OPCML: variants seen among roughly 807,000 people sequenced by gnomAD.
The protein encoded by OPCML is opioid binding protein/cell adhesion molecule like, also known as opioid-binding protein/cell adhesion molecule.
In OPCML, 13 loss-of-function variants were observed where a neutral mutation model predicts 37.8. The ratio of observed to expected loss-of-function variants is 0.34; its 90% CI spans 0.22 to 0.55. OPCML has a LOEUF of 0.55. Among genes scored for constraint, OPCML ranks in the 20% least tolerant of loss-of-function variants. The probability of loss-of-function intolerance (pLI) is 0.91; values close to 1 mark genes in which losing one functional copy is unlikely to be tolerated. For synonymous variants in OPCML, 176 were observed against 168.8 expected (o/e 1.04, Z -0.33); for missense variants, 341 against 435.6 (o/e 0.78, Z 1.93).
At chr11:133,098,501 C>T (rs1949037841) in intron 1 of OPCML, among the ~76,000 whole-genome samples, 1 of 152,098 alleles carries the variant, frequency 6.6e-6, no homozygotes, top group Admixed American at 6.5e-5. Flanking sequence ...AGGTGTGAGC[C>T]ACTGTGCCCA....
rs986910331 is a variant in OPCML at position 132,817,396 on chromosome 11, T to C, written c.146+125530A>G. ...TCCAAATAAATTTTCTTTGTATCTC[T>C]ATTGACCCTGTAGTCTTAGGTATGA... On this transcript the variant is annotated intron_variant, in intron 2 of 7. Coordinates refer to ENST00000524381, the MANE Select transcript of OPCML (RefSeq NM_001012393.5). Among the ~76,000 whole-genome samples the C allele has an allele frequency of 2.0e-5, 3 of 152,296 alleles. No individual in the cohort carries two copies. The East Asian group carries it at 5.8e-4, about 29-fold the overall frequency.
chr11:133,502,139 A>G (rs934473146), intron 1 of OPCML, among the ~76,000 whole-genome samples: 4 of 152,062 alleles, frequency 2.6e-5, no homozygotes, highest in Non-Finnish European at 5.9e-5. Flanking sequence ...AGCTGGCACA[A>G]CTTTGCCCCG....
At chr11:132,593,748 TG>T (rs1323018550) in intron 3 of OPCML, among the ~76,000 whole-genome samples, 3 of 152,114 alleles carry the variant, frequency 2.0e-5, no homozygotes, top group Admixed American at 2.0e-4. Context: ...TAGGATTAGT[TG>T]AACACAGAAT....
At chr11:132,842,172 G>A (rs904393970) in intron 2 of OPCML, among the ~76,000 whole-genome samples, 4 of 152,188 alleles carry the variant, frequency 2.6e-5, no homozygotes, top group East Asian at 1.9e-4. Flanking sequence ...CTGTAACCCC[G>A]TTTACTACTT....
chr11:132,912,397 C>T (rs1308351120), intron 2 of OPCML, among the ~76,000 whole-genome samples: 1 of 152,042 alleles, frequency 6.6e-6, no homozygotes. Context: ...TACAATAAAC[C>T]CCTTTCCACC....
rs1040450063 is a variant in OPCML at position 133,364,544 on chromosome 11, C to T, written c.61+167720G>A. Among the ~76,000 whole-genome samples the T allele has an allele frequency of 9.9e-5, 15 of 152,236 alleles. No homozygotes were observed. In the East Asian group the frequency reaches 1.7e-3, roughly 18 times the overall value. ...CAAATTTCAGTTCTTACAGTGATTG[C>T]GTGATTATGGAGAAATTACTTAGCC... On this transcript the variant is annotated intron_variant, in intron 1 of 7. Coordinates refer to ENST00000524381, the MANE Select transcript of OPCML (RefSeq NM_001012393.5).
At chr11:132,757,557 A>C (rs1307716441) in intron 2 of OPCML, among the ~76,000 whole-genome samples, 1 of 152,118 alleles carries the variant, frequency 6.6e-6, no homozygotes, top group South Asian at 2.1e-4. Context: ...ACCAGTGATG[A>C]TGAGCTTTTT....
intron 3 of OPCML, among the ~76,000 whole-genome samples, chr11:132,613,047 TA>T (rs1168230985): frequency 6.6e-6 from 1 of 152,148 alleles, no homozygotes; most frequent in African/African-American, 2.4e-5. Flanking sequence ...TAAAATTAGA[TA>T]GGGGCAGAAC....
chr11:132,870,847 G>T (rs1474250711), intron 2 of OPCML, among the ~76,000 whole-genome samples: 1 of 152,158 alleles, frequency 6.6e-6, no homozygotes, highest in South Asian at 2.1e-4. Context: ...TAAAAAAGCT[G>T]AACACACAAA....
chr11:132,495,920 C>A (rs571447095), intron 4 of OPCML, among the ~76,000 whole-genome samples: 1 of 150,156 alleles, frequency 6.7e-6, no homozygotes, highest in African/African-American at 2.4e-5. Flanking sequence ...AAAGTTTGTT[C>A]TAAGTGATAG....
intron 1 of OPCML, chr11:133,423,567 C>G (rs1945937226): frequency 1.2e-6 from 1 of 829,482 alleles, no homozygotes; most frequent in African/African-American, 1.8e-5. Flanking sequence ...CTTGGAAAAG[C>G]AGATCTGTGA....
chr11:132,950,957 T>C (rs1330834117), intron 1 of OPCML, among the ~76,000 whole-genome samples: 2 of 152,188 alleles, frequency 1.3e-5, no homozygotes, highest in African/African-American at 4.8e-5. Context: ...GACCTGGGTT[T>C]AAGACCTCGG....
intron 2 of OPCML, among the ~76,000 whole-genome samples, chr11:132,839,426 A>T (rs1472289428): frequency 6.6e-6 from 1 of 152,234 alleles, no homozygotes; most frequent in Non-Finnish European, 1.5e-5. Context: ...ACTCCTTCCC[A>T]TATGGGAGGC....
chr11:133,210,081 C>T (rs550315609), intron 1 of OPCML, among the ~76,000 whole-genome samples: 1 of 152,246 alleles, frequency 6.6e-6, no homozygotes, highest in Non-Finnish European at 1.5e-5. Context: ...CATAAAGTCT[C>T]TCTCACGGCA....
intron 1 of OPCML, among the ~76,000 whole-genome samples, chr11:133,191,504 G>GGTGGGT (rs1555111878): frequency 1.4e-5 from 2 of 142,360 alleles, no homozygotes; most frequent in Non-Finnish European, 3.1e-5. Context: ...TGTGTGTGTG[G>GGTGGGT]GTGTGTGTGT....
At chr11:133,352,239 A>C (rs1041090246) in intron 1 of OPCML, among the ~76,000 whole-genome samples, 1 of 152,204 alleles carries the variant, frequency 6.6e-6, no homozygotes, top group Non-Finnish European at 1.5e-5. Flanking sequence ...GTTTATACCA[A>C]TTTAGGTACC....
chr11:133,064,565 C>A (rs59367759), intron 1 of OPCML: 1 of 152,262 alleles, frequency 6.6e-6, no homozygotes, highest in African/African-American at 2.4e-5. Context: ...CCTTTCCCCA[C>A]GGTAGACTGC....
At chr11:132,771,968 C>G (rs1385593861) in intron 2 of OPCML, 1 of 152,168 alleles carries the variant, frequency 6.6e-6, no homozygotes, top group African/African-American at 2.4e-5. Flanking sequence ...CAGGAAGGAG[C>G]CAGGAATAGT....
At chr11:132,630,808 G>A (rs1940055690) in intron 3 of OPCML, among the ~76,000 whole-genome samples, 1 of 152,002 alleles carries the variant, frequency 6.6e-6, no homozygotes, top group Admixed American at 6.6e-5. Context: ...CAAAAAGATT[G>A]GCACAACAAC....
Sources: gnomAD v4.1 joint callset for allele counts (sites outside exome capture counted in the v4.1 genomes callset) on GRCh38, gnomAD v4.1.1 for gene constraint, MANE v1.5 for transcripts, NCBI Gene and HGNC (gene_info 2026-07-23, HGNC 2026-07-21) for gene names.